CCDC97: variants seen among roughly 807,000 people sequenced by gnomAD.
CCDC97 encodes coiled-coil domain-containing protein 97.
CCDC97 carries 27 observed loss-of-function variants against 33.9 expected under a neutral mutation model. That is an observed-to-expected ratio of 0.80 (90% confidence interval 0.59 to 1.10). CCDC97 has a LOEUF of 1.10. Among genes scored for constraint, CCDC97 ranks in the 50% least tolerant of loss-of-function variants. The pLI is 0.00. For synonymous variants in CCDC97, 217 were observed against 194.0 expected, an observed-to-expected ratio of 1.12 and a Z score of -0.99; for missense variants, 422 against 476.6, an observed-to-expected ratio of 0.89 and a Z score of 1.07.
intron 2 of CCDC97, among the ~76,000 whole-genome samples, chr19:41,319,046 C>T (rs2037783110): frequency 6.6e-6 from 1 of 152,208 alleles, no homozygotes; most frequent in Non-Finnish European, 1.5e-5. Flanking sequence ...TGCTGGGCCT[C>T]ACAGGACATG....
Position 41,320,582 on chromosome 19 carries a change from C to T in CCDC97, c.911+112C>T, listed in dbSNP as rs758334138. 6.5e-6 allele frequency: 9 copies of T among 1,385,536 alleles called. No homozygotes were observed. In the South Asian group the frequency reaches 9.9e-5, roughly 15 times the overall value. The allele number at this position is 1,385,536 out of a possible 1,614,324, so 85.8% of individuals were successfully genotyped here. ...GTCTCCCTTTGTGGAGCTACAAGGC[C>T]CCAAAACAGTTCCAGGATGTGGGGT... On this transcript the variant is annotated intron_variant, in intron 4 of 4. Transcript: ENST00000269967.
At chr19:41,318,723 G>A (rs1482248859) in intron 2 of CCDC97, among the ~76,000 whole-genome samples, 1 of 152,168 alleles carries the variant, frequency 6.6e-6, no homozygotes, top group Non-Finnish European at 1.5e-5. Flanking sequence ...CTCAAGTTTT[G>A]GGGTAGTGGG....
intron 4 of CCDC97, 43 bp downstream of exon 4, chr19:41,320,513 C>A (rs1032236225): frequency 1.2e-6 from 2 of 1,612,466 alleles, no homozygotes; most frequent in Non-Finnish European, 1.7e-6. Context: ...GCCCAGCATC[C>A]CACGGCCTTT....
intron 2 of CCDC97, among the ~76,000 whole-genome samples, chr19:41,319,006 C>T (rs1167252105): frequency 6.6e-6 from 1 of 152,228 alleles, no homozygotes; most frequent in Non-Finnish European, 1.5e-5. Flanking sequence ...TGCATGCTGA[C>T]ACCCAGACAG....
intron 2 of CCDC97, among the ~76,000 whole-genome samples, 180 bp from the exon 3 acceptor site, chr19:41,319,394 G>A (rs2037788925): frequency 6.6e-6 from 1 of 152,270 alleles, no homozygotes; most frequent in Middle Eastern, 3.4e-3. Flanking sequence ...TCAGGCGCCT[G>A]CATGAGTACT....
At position 41,322,721 on chromosome 19, in the gene CCDC97, G is replaced by T. The variant is rs199680363; in HGVS notation, c.*6G>T. The T allele has an allele frequency of 8.7e-6, 14 of 1,611,414 alleles. No homozygotes were observed. The highest frequency in any genetic ancestry group is 1.2e-5 in the Non-Finnish European group (14 of 1,178,502). ...CAGAGCTGGATGGGGACTGATGGCC[G>T]CCACCCTTCCCACCGCCTGCCCCAT... On this transcript the variant is annotated 3_prime_UTR_variant, in exon 5 of 5. Transcript: ENST00000269967.
Position 41,319,762 on chromosome 19 carries a change from C to A in CCDC97, c.691C>A (p.Arg231=), listed in dbSNP as rs1357572445. The A allele has an allele frequency of 7.4e-6, 12 of 1,613,576 alleles. No individual in the cohort carries two copies. Among genetic ancestry groups the A allele is most frequent in the Non-Finnish European group, 8.5e-6 (10 of 1,179,800 alleles). Residue 231 remains arginine (R), a synonymous_variant, in exon 3 of 5, where the codon CGG becomes AGG. Transcript: ENST00000269967. ...SNLLLQSYEE[R]ELQQRLLQQQ... The stretch of plus-strand genomic sequence containing the variant: ...CTTGCTGCTCCAGTCCTACGAGGAG[C>A]GGGAGCTACAGCAGCGTCTGCTCCA...
In CCDC97 at chr19:41,310,191, C is replaced by G; in HGVS notation, c.-120C>G. On this transcript the variant is annotated 5_prime_UTR_variant, in exon 1 of 5. Transcript: ENST00000269967. ...TGCCTTAGGCCCGGAACTTCGGTGC[C>G]TGGGCGCAGCGGTGCACCCGGACCC... is the stretch of plus-strand genomic sequence containing the variant. 1 of 1,417,646 alleles carries G rather than the reference C, an allele frequency of 7.1e-7. No homozygotes were observed. Among genetic ancestry groups the G allele is most frequent in the Non-Finnish European group, 9.7e-7 (1 of 1,033,478 alleles). The allele number at this position is 1,417,646 out of a possible 1,614,324, so 87.8% of individuals were successfully genotyped here. A position where few individuals can be genotyped will look rare whatever the true frequency, so the allele number is the denominator to read the frequency against.
chr19:41,317,544 G>A lies in CCDC97; in HGVS notation c.502+705G>A, dbSNP rs572119364. ...TCAAGACCAGCCTGGGCAACATGGC[G>A]AAATGCTGTCTCTACAAAAAATACA... On this transcript the variant is annotated intron_variant, in intron 2 of 4. Coordinates refer to ENST00000269967, the MANE Select transcript of CCDC97 (RefSeq NM_052848.3). 2.6e-5 allele frequency among the ~76,000 whole-genome samples: 4 copies of A among 152,044 alleles called. No homozygotes were observed. The South Asian group carries it at 6.2e-4, about 24-fold the overall frequency.
chr19:41,316,260 TAGTGCCCAGAAC>T (rs1452034738), intron 1 of CCDC97, 112 bp from the exon 2 acceptor site: 3 of 701,702 alleles, frequency 4.3e-6, no homozygotes, highest in Admixed American at 2.9e-5. Flanking sequence ...GTGGTTTCTC[TAGTGCCCAGAAC>T]AGTGCCCAGA....
At position 41,310,680 on chromosome 19, in the gene CCDC97, G is replaced by C. The variant is rs377586599; in HGVS notation, c.46+324G>C. ...CCGGCCTAATTCCTGCATTGCCTCA[G>C]ACCAGCCCTTCTCAAATTACCTCCT... On this transcript the variant is annotated intron_variant, in intron 1 of 4. Coordinates refer to ENST00000269967, the MANE Select transcript of CCDC97 (RefSeq NM_052848.3). 1.4e-4 allele frequency: 173 copies of C among 1,253,282 alleles called. 3 individuals are homozygous for C. The East Asian group carries it at 4.0e-3, about 29-fold the overall frequency. 77.6% of individuals were successfully genotyped at this position (1,253,282 alleles called of 1,614,324 possible).
chr19:41,322,629 G>T lies in CCDC97; in HGVS notation c.946G>T (p.Asp316Tyr). ...VDDNPDFDNL[D>Y]IVARDEEERY... Reference sequence around the variant, plus strand: ...CGACAACCCCGACTTCGACAACCTCGACATCGTGGCACGGGATGAGGAGGA... The same window carrying T: ...CGACAACCCCGACTTCGACAACCTCTACATCGTGGCACGGGATGAGGAGGA... The change falls in exon 5 of 5, where the codon GAC (aspartate) becomes TAC (tyrosine). Residue 316 changes from aspartate to tyrosine, a missense_variant. By Grantham distance (160) the Asp-to-Tyr change is radical. Coordinates refer to ENST00000269967, the MANE Select transcript of CCDC97 (RefSeq NM_052848.3). 6.2e-7 allele frequency: 1 copy of T among 1,613,374 alleles called. No homozygotes were observed. Among genetic ancestry groups the T allele is most frequent in the South Asian group, 1.1e-5 (1 of 91,040 alleles).
chr19:41,319,395 C>T (rs1421276081), intron 2 of CCDC97, among the ~76,000 whole-genome samples, 179 bp from the exon 3 acceptor site: 2 of 152,182 alleles, frequency 1.3e-5, no homozygotes, highest in African/African-American at 4.8e-5. Context: ...CAGGCGCCTG[C>T]ATGAGTACTC....
At chr19:41,316,961 C>T (rs1258964078) in intron 2 of CCDC97, 122 bp downstream of exon 2, 1 of 756,306 alleles carries the variant, frequency 1.3e-6, no homozygotes, top group Non-Finnish European at 2.1e-6. Context: ...AGTTCTGAGA[C>T]AGAGACAGGG....
chr19:41,319,917 A>T (rs902869042), intron 3 of CCDC97, 65 bp downstream of exon 3: 1 of 768,394 alleles, frequency 1.3e-6, no homozygotes, highest in East Asian at 2.7e-5. Context: ...GTCTGTCTCC[A>T]CTTCATGGCA....
intron 1 of CCDC97, among the ~76,000 whole-genome samples, chr19:41,314,962 C>G (rs1391371136): frequency 6.6e-6 from 1 of 151,588 alleles, no homozygotes; most frequent in African/African-American, 2.4e-5. Flanking sequence ...CCTAGTGAGA[C>G]CTTGTCTTTA....
chr19:41,310,394 G>T (rs1187947726), intron 1 of CCDC97, 38 bp downstream of exon 1: 1 of 1,583,870 alleles, frequency 6.3e-7, no homozygotes, highest in Non-Finnish European at 8.6e-7. Context: ...GGGTGGGTGC[G>T]GTTGCGGTGT....
At chr19:41,319,074 T>C (rs2037783597) in intron 2 of CCDC97, among the ~76,000 whole-genome samples, 1 of 152,188 alleles carries the variant, frequency 6.6e-6, no homozygotes, top group Non-Finnish European at 1.5e-5. Flanking sequence ...ACATAGGCCA[T>C]GTACACGTCC....
rs562681967 is a variant in CCDC97, at chr19:41,321,356, T to C, written c.911+886T>C. Reference sequence around the variant, plus strand: ...CATGGGGACCCTCATTCAGCAGGCATCACTGCTGTTCCCAAGCCAGGGCCC... The same window carrying C: ...CATGGGGACCCTCATTCAGCAGGCACCACTGCTGTTCCCAAGCCAGGGCCC... On this transcript the variant is annotated intron_variant, in intron 4 of 4. Coordinates refer to ENST00000269967, the MANE Select transcript of CCDC97 (RefSeq NM_052848.3). Among the ~76,000 whole-genome samples the C allele has an allele frequency of 2.6e-5, 4 of 152,330 alleles. No homozygotes were observed. In the South Asian group the frequency reaches 8.3e-4, roughly 32 times the overall value.
Sources: allele counts gnomAD v4.1 joint callset (sites outside exome capture counted in the v4.1 genomes callset), GRCh38; gene constraint gnomAD v4.1.1; transcripts MANE v1.5; gene names NCBI Gene and HGNC (gene_info 2026-07-23, HGNC 2026-07-21).